The following CLDND1 variants were observed in gnomAD, a reference collection of about 807,000 sequenced individuals.
CLDND1 encodes the protein claudin domain-containing protein 1.
CLDND1 carries 13 observed loss-of-function variants against 26.3 expected under a neutral mutation model. That is an observed-to-expected ratio of 0.49 (90% CI 0.32 to 0.78). CLDND1 has a LOEUF of 0.78. Among genes scored for constraint, CLDND1 ranks in the 30% least tolerant of loss-of-function variants. The pLI is 0.03. For synonymous variants in CLDND1, 107 were observed against 107.0 expected, an observed-to-expected ratio of 1.00 and a Z score of 0.00; for missense variants, 289 against 312.8, an observed-to-expected ratio of 0.92 and a Z score of 0.57.
At chr3:98,518,807 C>T in intron 3 of CLDND1, 78 bp downstream of exon 3, 1 of 863,780 alleles carries the variant, frequency 1.2e-6, no homozygotes, top group Non-Finnish European at 1.9e-6. Context: ...TCATCTTATT[C>T]CAAAAACATA....
Position 98,521,141 on chromosome 3 carries a change from T to C in CLDND1, c.284A>G (p.Glu95Gly). ...TAAAATAAGAGAAATACCTGTCCTTTCTGGTGGGCTATACCAATGCATGTT... is the reference window on the plus strand; with the variant it reads ...TAAAATAAGAGAAATACCTGTCCTTCCTGGTGGGCTATACCAATGCATGTT... ...PKNMHWYSPP[E>G]RTESFDVVTK... is the part of the protein sequence containing the mutation. The change falls in exon 2 of 5, where the codon GAA becomes GGA. Residue 95 changes from glutamate (E) to glycine (G), a missense_variant. Transcript: ENST00000341181. 6.2e-7 allele frequency: 1 copy of C among 1,608,630 alleles called. No homozygotes were observed. The highest frequency in any genetic ancestry group is 8.5e-7 in the Non-Finnish European group (1 of 1,175,490).
chr3:98,522,515 C>A, intron 1 of CLDND1: 1 of 1,223,918 alleles, frequency 8.2e-7, no homozygotes. Context: ...TAAAAATCCC[C>A]CCTTCATCCT....
At position 98,516,305 on chromosome 3, in the gene CLDND1, C is replaced by T. The variant is rs1436037433; in HGVS notation, c.*354G>A. 9.5e-7 allele frequency: 1 copy of T among 1,049,958 alleles called. No homozygotes were observed. Among genetic ancestry groups the T allele is most frequent in the African/African-American group, 1.7e-5 (1 of 58,244 alleles). 65.0% of individuals were successfully genotyped at this position (1,049,958 alleles called of 1,614,324 possible). On this transcript the variant is annotated 3_prime_UTR_variant, in exon 5 of 5. Coordinates refer to ENST00000341181, the MANE Select transcript of CLDND1 (RefSeq NM_001040181.2). ...AACTAATATAGAGTTTTTAGTTGAA[C>T]AGATACAGTTACTTTAGTTTTACTG...
In CLDND1 at chr3:98,515,626, T is replaced by A. The variant is rs1318351488; in HGVS notation, c.*1033A>T. 2.2e-5 allele frequency: 25 copies of A among 1,129,222 alleles called. No homozygotes were observed. The highest frequency in any genetic ancestry group is 2.6e-5 in the Non-Finnish European group (23 of 901,520). The allele number at this position is 1,129,222 out of a possible 1,614,324, so 70.0% of individuals were successfully genotyped here. On this transcript the variant is annotated 3_prime_UTR_variant, in exon 5 of 5. Coordinates refer to ENST00000341181, the MANE Select transcript of CLDND1 (RefSeq NM_001040181.2). Reference sequence around the variant, plus strand: ...TTTTAAAGTTCAATGTTTATAGACATACTTATAAAAAAATGACTGAATTAG... The same window carrying A: ...TTTTAAAGTTCAATGTTTATAGACAAACTTATAAAAAAATGACTGAATTAG...
intron 1 of CLDND1, chr3:98,522,447 GA>G: frequency 3.7e-6 from 3 of 801,520 alleles, no homozygotes; most frequent in Non-Finnish European, 3.2e-6. Context: ...AGTGACTCAG[GA>G]AAGATAAGAG....
rs747259302 is a variant in CLDND1, at chr3:98,522,806, GC to G, written c.-19+42del. Reference sequence around the variant, plus strand: ...TTCAAACCGCCGGGAACATGGAACCGCGACGCGACCCCTGCCCGGCGACGCA... The same window carrying G: ...TTCAAACCGCCGGGAACATGGAACCGGACGCGACCCCTGCCCGGCGACGCA... On this transcript the variant is annotated intron_variant, in intron 1 of 4. Coordinates refer to ENST00000341181, the MANE Select transcript of CLDND1 (RefSeq NM_001040181.2). The G allele has an allele frequency of 2.5e-5, 40 of 1,613,420 alleles. No homozygotes were observed. In the Admixed American group the frequency reaches 6.3e-4, roughly 26 times the overall value.
rs1706393834 is a variant in CLDND1 at position 98,521,189 on chromosome 3, C to A, written c.236G>T (p.Arg79Ile). Residue 79 changes from arginine (R) to isoleucine (I), a missense_variant, in exon 2 of 5, where the codon AGA becomes ATA. By Grantham distance (97) the Arg-to-Ile change is moderately conservative. Coordinates refer to ENST00000341181, the MANE Select transcript of CLDND1 (RefSeq NM_001040181.2). ...GTTTTTGGGTATGGTGATACACCGT[C>A]TCCACAATCCCACTGTGCCATTGTA... ...FRYNGTVGLWRRCITIPKNMH... is the reference protein window; with the variant it reads ...FRYNGTVGLWIRCITIPKNMH... 7.4e-6 allele frequency: 12 copies of A among 1,614,106 alleles called. No homozygotes were observed. The highest frequency in any genetic ancestry group is 1.0e-5 in the Non-Finnish European group (12 of 1,180,042).
At chr3:98,521,788 C>G in intron 1 of CLDND1, 2 of 1,171,050 alleles carry the variant, frequency 1.7e-6, no homozygotes, top group Non-Finnish European at 1.3e-6. Context: ...ACCGTGCACA[C>G]ATTTTAAATT....
rs1488497175 is a variant in CLDND1, at chr3:98,518,890, C to T, written c.398G>A (p.Arg133Lys). The change falls in exon 3 of 5, where the codon AGG (arginine) becomes AAG (lysine). Residue 133 changes from arginine to lysine, a missense_variant. Transcript: ENST00000341181. The part of the protein sequence containing the change: ...GNHNSGIDLL[R>K]TYLWRCQFLL... ...GGTGAAATCAAAGTACTCACAGGTCCTAAGGAGATCAATCCCGCTATTGTG... is the reference window on the plus strand; with the variant it reads ...GGTGAAATCAAAGTACTCACAGGTCTTAAGGAGATCAATCCCGCTATTGTG... The T allele has an allele frequency of 6.3e-7, 1 of 1,591,036 alleles. No individual in the cohort carries two copies. The highest frequency in any genetic ancestry group is 1.3e-5 in the African/African-American group (1 of 74,470).
chr3:98,519,965 C>T (rs901426662), intron 2 of CLDND1, among the ~76,000 whole-genome samples: 1 of 152,194 alleles, frequency 6.6e-6, no homozygotes, highest in Non-Finnish European at 1.5e-5. Context: ...ACCAATATTC[C>T]TTTTCCCACA....
In CLDND1 at chr3:98,518,939, C is replaced by T. The variant is rs1209165272; in HGVS notation, c.349G>A (p.Glu117Lys). Residue 117 changes from glutamate (E) to lysine (K), a missense_variant, in exon 3 of 5, where the codon GAG (glutamate) becomes AAG (lysine). Coordinates refer to ENST00000341181, the MANE Select transcript of CLDND1 (RefSeq NM_001040181.2). ...TGGTTTCCGGGATCAACAAATTTCT[C>T]CATGAACTGCTCAGTTAGTGTGAAA... ...VSFTLTEQFM[E>K]KFVDPGNHNS... The T allele has an allele frequency of 6.2e-7, 1 of 1,614,000 alleles. No individual in the cohort carries two copies. The highest frequency in any genetic ancestry group is 1.1e-5 in the South Asian group (1 of 91,058).
chr3:98,517,838 C>T (rs928592973), intron 3 of CLDND1, among the ~76,000 whole-genome samples: 2 of 152,102 alleles, frequency 1.3e-5, no homozygotes, highest in African/African-American at 2.4e-5. Flanking sequence ...AAAAATAACA[C>T]AGTAAGTGGT....
At position 98,516,272 on chromosome 3, in the gene CLDND1, C is replaced by T; in HGVS notation, c.*387G>A. The T allele has an allele frequency of 1.9e-6, 2 of 1,027,514 alleles. No individual in the cohort carries two copies. The highest frequency in any genetic ancestry group is 2.3e-6 in the Non-Finnish European group (2 of 856,006). The allele number at this position is 1,027,514 out of a possible 1,614,324, so 63.6% of individuals were successfully genotyped here. ...ATAAAGTTTTGACGATGAGAGGTTT[C>T]CCAAAGAAACTAATATAGAGTTTTT... On this transcript the variant is annotated 3_prime_UTR_variant, in exon 5 of 5. Transcript: ENST00000341181.
At chr3:98,519,835 T>C (rs927222754) in intron 2 of CLDND1, among the ~76,000 whole-genome samples, 2 of 152,190 alleles carry the variant, frequency 1.3e-5, no homozygotes, top group African/African-American at 4.8e-5. Context: ...AATGACTTCC[T>C]CCCCATTTAC....
At chr3:98,522,435 G>T (rs137972579) in intron 1 of CLDND1, 1 of 686,424 alleles carries the variant, frequency 1.5e-6, no homozygotes, top group Non-Finnish European at 1.9e-6. Context: ...TGGAAAATGG[G>T]AAGTGACTCA....
At position 98,521,450 on chromosome 3, in the gene CLDND1, G is replaced by T; in HGVS notation, c.-18-8C>A. Reference sequence around the variant, plus strand: ...TCTGGCATTCAGACTGCTCTGTTTAGAAGTTGAAGAAAGAAGATAAGTTAG... The same window carrying T: ...TCTGGCATTCAGACTGCTCTGTTTATAAGTTGAAGAAAGAAGATAAGTTAG... On this transcript the variant is annotated splice_region_variant and splice_polypyrimidine_tract_variant and intron_variant, in intron 1 of 4. Coordinates refer to ENST00000341181, the MANE Select transcript of CLDND1 (RefSeq NM_001040181.2). The T allele has an allele frequency of 1.2e-6, 2 of 1,604,316 alleles. No homozygotes were observed. Among genetic ancestry groups the T allele is most frequent in the Non-Finnish European group, 1.7e-6 (2 of 1,174,538 alleles).
At chr3:98,519,334 T>C (rs137930699) in intron 2 of CLDND1, among the ~76,000 whole-genome samples, 19 of 152,348 alleles carry the variant, frequency 1.2e-4, no homozygotes, top group African/African-American at 3.8e-4. Flanking sequence ...ATCAACCATA[T>C]TCCCATCTCA....
chr3:98,521,415 G>A lies in CLDND1; in HGVS notation c.10C>T (p.Arg4Cys). The change falls in exon 2 of 5, where the codon CGT becomes TGT. Residue 4 changes from arginine (R) to cysteine (C), a missense_variant. Transcript: ENST00000341181. ...GCAATTACAAATGCTGTAGCAAAAC[G>A]GTTATCCATTCTGGCATTCAGACTG... is the stretch of plus-strand genomic sequence containing the variant. MDN[R>C]FATAFVIACV... 6.2e-7 allele frequency: 1 copy of A among 1,613,980 alleles called. No homozygotes were observed. The highest frequency in any genetic ancestry group is 8.5e-7 in the Non-Finnish European group (1 of 1,179,948).
Position 98,521,777 on chromosome 3 carries a change from T to C in CLDND1, c.-18-335A>G, listed in dbSNP as rs1706425118. 2.4e-6 allele frequency: 3 copies of C among 1,255,680 alleles called. No individual in the cohort carries two copies. The South Asian group carries it at 3.7e-5, about 15-fold the overall frequency. The allele number at this position is 1,255,680 out of a possible 1,614,324, so 77.8% of individuals were successfully genotyped here. A position where few individuals can be genotyped will look rare whatever the true frequency, so the allele number is the denominator to read the frequency against. On this transcript the variant is annotated intron_variant, in intron 1 of 4. Coordinates refer to ENST00000341181, the MANE Select transcript of CLDND1 (RefSeq NM_001040181.2). ...ATAGACATGCCCATGGTCAGCAGTG[T>C]ACCGTGCACACATTTTAAATTACAG...
Sources: allele counts gnomAD v4.1 joint callset (sites outside exome capture counted in the v4.1 genomes callset), GRCh38; gene constraint gnomAD v4.1.1; transcripts MANE v1.5; gene names NCBI Gene and HGNC (gene_info 2026-07-23, HGNC 2026-07-21).